KIT: variants seen among roughly 807,000 people sequenced by gnomAD.
KIT encodes KIT proto-oncogene, receptor tyrosine kinase.
Under a neutral mutation model 105.7 loss-of-function variants are expected in KIT, and 16 were observed. The ratio of observed to expected loss-of-function variants is 0.15; its 90% confidence interval spans 0.10 to 0.23. KIT has a LOEUF of 0.23. Ranked by LOEUF, KIT falls within the 10% of genes least tolerant of loss-of-function variation. KIT has a pLI of 1.00. For synonymous variants in KIT, 438 were observed against 441.1 expected, an observed-to-expected ratio of 0.99 and a Z score of 0.09; for missense variants, 858 against 1,213.8, an observed-to-expected ratio of 0.71 and a Z score of 4.36.
intron 1 of KIT, 40 bp downstream of exon 1, chr4:54,658,121 C>G (rs2109521990): frequency 6.2e-7 from 1 of 1,601,434 alleles, no homozygotes; most frequent in Middle Eastern, 1.7e-4. Flanking sequence ...TGCGACTACT[C>G]GGCGAAGCCT....
intron 1 of KIT, among the ~76,000 whole-genome samples, chr4:54,659,159 G>A (rs566588571): frequency 1.1e-4 from 16 of 152,344 alleles, no homozygotes; most frequent in Admixed American, 2.0e-4. Context: ...GCTGCCTGGG[G>A]GTGGGGTGGG....
chr4:54,657,993 G>A lies in KIT; in HGVS notation c.-22G>A. The A allele has an allele frequency of 6.2e-7, 1 of 1,612,440 alleles. No homozygotes were observed. Among genetic ancestry groups the A allele is most frequent in the East Asian group, 2.2e-5 (1 of 44,818 alleles). On this transcript the variant is annotated 5_prime_UTR_variant, in exon 1 of 21. Transcript: ENST00000288135. ...AGAGCTGGAACGTGGACCAGAGCTC[G>A]GATCCCATCGCAGCTACCGCGATGA...
rs1390968269 is a variant in KIT, at chr4:54,658,082, G to GTGGGACACCGCGGC, written c.67+5_67+18dup. The GTGGGACACCGCGGC allele has an allele frequency of 2.5e-6, 4 of 1,613,836 alleles. No homozygotes were observed. Among genetic ancestry groups the GTGGGACACCGCGGC allele is most frequent in the African/African-American group, 2.7e-5 (2 of 75,042 alleles). The stretch of plus-strand genomic sequence containing the variant: ...CTCCTACTGCTTCGCGTCCAGACAG[G>GTGGGACACCGCGGC]TGGGACACCGCGGCTGGCACCCCGA... On this transcript the variant is annotated splice_donor_variant, in intron 1 of 20. Transcript: ENST00000288135. LOFTEE classifies it high-confidence loss of function.
chr4:54,701,574 C>T (rs1720452901), intron 4 of KIT, among the ~76,000 whole-genome samples: 1 of 152,150 alleles, frequency 6.6e-6, no homozygotes, highest in Non-Finnish European at 1.5e-5. Context: ...TGCTTGTAAT[C>T]AGAATCTTTG....
Position 54,737,155 on chromosome 4 carries a change from A to C in KIT, c.2697-20A>C. On this transcript the variant is annotated intron_variant, in intron 19 of 20. Coordinates refer to ENST00000288135, the MANE Select transcript of KIT (RefSeq NM_000222.3). ...GCTGAGGGCATTGAGGAGGGATAGT[A>C]AATGGCCCTTGTCTTGCAGGTATGA... 1 of 1,514,546 alleles carries C rather than the reference A, an allele frequency of 6.6e-7. No homozygotes were observed. The highest frequency in any genetic ancestry group is 9.2e-7 in the Non-Finnish European group (1 of 1,089,222). The allele number at this position is 1,514,546 out of a possible 1,614,324, so 93.8% of individuals were successfully genotyped here. A position where few individuals can be genotyped will look rare whatever the true frequency, so the allele number is the denominator to read the frequency against.
At chr4:54,666,573 C>T (rs1371523793) in intron 1 of KIT, among the ~76,000 whole-genome samples, 2 of 152,130 alleles carry the variant, frequency 1.3e-5, no homozygotes, top group African/African-American at 2.4e-5. Flanking sequence ...CCACTGCACC[C>T]GGCAATTTTT....
intron 1 of KIT, among the ~76,000 whole-genome samples, chr4:54,670,139 G>T (rs1718005502): frequency 6.6e-6 from 1 of 152,176 alleles, no homozygotes; most frequent in Non-Finnish European, 1.5e-5. Flanking sequence ...GACCTTTGGA[G>T]CCTTTAATGT....
At chr4:54,664,007 T>A (rs928833545) in intron 1 of KIT, among the ~76,000 whole-genome samples, 1 of 152,108 alleles carries the variant, frequency 6.6e-6, no homozygotes, top group Admixed American at 6.5e-5. Context: ...TGATTCGAAG[T>A]AGAATTTGGT....
At chr4:54,704,138 AC>A (rs1232533839) in intron 5 of KIT, among the ~76,000 whole-genome samples, 5 of 152,132 alleles carry the variant, frequency 3.3e-5, no homozygotes, top group African/African-American at 1.2e-4. Context: ...TGTGCACCTC[AC>A]CCTCCTTTCC....
At position 54,731,323 on chromosome 4, in the gene KIT, C is replaced by G. The variant is rs781283523; in HGVS notation, c.2142-5C>G. 5.0e-6 allele frequency: 8 copies of G among 1,608,428 alleles called. No individual in the cohort carries two copies. Among genetic ancestry groups the G allele is most frequent in the Non-Finnish European group, 6.8e-6 (8 of 1,175,006 alleles). On this transcript the variant is annotated splice_region_variant and splice_polypyrimidine_tract_variant and intron_variant, in intron 14 of 20. Transcript: ENST00000288135. The stretch of plus-strand genomic sequence containing the variant: ...TTCAGTCATGACTTGTTTCATCTCT[C>G]CCAGCAGCGATAGTACTAATGAGTA...
chr4:54,730,501 G>A (rs1282546427), intron 14 of KIT, among the ~76,000 whole-genome samples: 1 of 152,030 alleles, frequency 6.6e-6, no homozygotes, highest in African/African-American at 2.4e-5. Flanking sequence ...ATAAACTTGA[G>A]TAGTTTAAAG....
At chr4:54,696,067 C>A (rs1720044416) in intron 2 of KIT, among the ~76,000 whole-genome samples, 2 of 151,986 alleles carry the variant, frequency 1.3e-5, no homozygotes, top group Non-Finnish European at 2.9e-5. Flanking sequence ...CCCTGAGAAT[C>A]AATTAGGCCC....
At chr4:54,670,558 A>G (rs1718033288) in intron 1 of KIT, among the ~76,000 whole-genome samples, 1 of 152,202 alleles carries the variant, frequency 6.6e-6, no homozygotes, top group Admixed American at 6.5e-5. Context: ...GCACCTTGGC[A>G]TGCAGACTAC....
intron 7 of KIT, among the ~76,000 whole-genome samples, chr4:54,711,629 T>C (rs1721164212): frequency 6.6e-6 from 1 of 152,108 alleles, no homozygotes; most frequent in Non-Finnish European, 1.5e-5. Context: ...CAGAAAGTAA[T>C]AGTATATAGA....
intron 1 of KIT, among the ~76,000 whole-genome samples, chr4:54,689,361 G>A (rs1719536280): frequency 6.6e-6 from 1 of 152,170 alleles, no homozygotes; most frequent in Non-Finnish European, 1.5e-5. Context: ...GTGAGCAGAA[G>A]AGCAAAGATA....
At chr4:54,662,106 C>T (rs1185060393) in intron 1 of KIT, among the ~76,000 whole-genome samples, 1 of 152,138 alleles carries the variant, frequency 6.6e-6, no homozygotes, top group Non-Finnish European at 1.5e-5. Context: ...GTCATGGCCC[C>T]TGTAGATGAG....
chr4:54,720,440 G>A (rs1237935168), intron 7 of KIT, among the ~76,000 whole-genome samples: 1 of 152,210 alleles, frequency 6.6e-6, no homozygotes, highest in Non-Finnish European at 1.5e-5. Context: ...CAGGTGTCAC[G>A]CTAGAAGGCT....
At chr4:54,675,006 T>C (rs995234306) in intron 1 of KIT, among the ~76,000 whole-genome samples, 1 of 142,642 alleles carries the variant, frequency 7.0e-6, no homozygotes, top group Non-Finnish European at 1.5e-5. Context: ...TTTCCTCTGA[T>C]TTTTTCCCCC....
chr4:54,677,665 A>T (rs941477845), intron 1 of KIT, among the ~76,000 whole-genome samples: 1 of 152,124 alleles, frequency 6.6e-6, no homozygotes, highest in African/African-American at 2.4e-5. Flanking sequence ...TTGTTAGAAG[A>T]TACGCACTCC....
Sources: allele counts gnomAD v4.1 joint callset (sites outside exome capture counted in the v4.1 genomes callset), GRCh38; gene constraint gnomAD v4.1.1; transcripts MANE v1.5; gene names NCBI Gene and HGNC (gene_info 2026-07-23, HGNC 2026-07-21).